NNT: variants seen among roughly 807,000 people sequenced by gnomAD.
NNT encodes NAD(P) transhydrogenase, mitochondrial.
Under a neutral mutation model 104.8 loss-of-function variants are expected in NNT, and 50 were observed. The ratio of observed to expected loss-of-function variants is 0.48; its 90% confidence interval spans 0.38 to 0.60. The LOEUF is 0.60. Ranked by LOEUF, NNT falls within the 20% of genes least tolerant of loss-of-function variation. NNT has a pLI of 0.00. For missense variants in NNT, 1,131 were observed against 1,330.7 expected, an observed-to-expected ratio of 0.85 and a Z score of 2.33; for synonymous variants, 461 against 490.4, an observed-to-expected ratio of 0.94 and a Z score of 0.79.
chr5:43,667,888 G>A (rs1455217691), intron 17 of NNT, among the ~76,000 whole-genome samples: 2 of 152,206 alleles, frequency 1.3e-5, no homozygotes, highest in African/African-American at 4.8e-5. Flanking sequence ...CCCACCAACA[G>A]TGCAAAAGTG....
At position 43,704,960 on chromosome 5, in the gene NNT, ATAT is replaced by A. The variant is rs1285441269; in HGVS notation, c.*558_*560del. 4 of 152,380 alleles carry A rather than the reference ATAT, an allele frequency of 2.6e-5. No individual in the cohort carries two copies. The highest frequency in any genetic ancestry group is 9.6e-5 in the African/African-American group (4 of 41,452). The allele number at this position is 152,380 out of a possible 1,614,324, so 9.4% of individuals were successfully genotyped here. A position where few individuals can be genotyped will look rare whatever the true frequency, so the allele number is the denominator to read the frequency against. On this transcript the variant is annotated 3_prime_UTR_variant, in exon 22 of 22. Coordinates refer to ENST00000344920, the MANE Select transcript of NNT (RefSeq NM_182977.3). The stretch of plus-strand genomic sequence containing the variant: ...TTTTTTAAATTGTACTTCAGAGTCT[ATAT>A]TTCAAGGGCACATTTTCTCACTACT...
At chr5:43,695,566 A>C (rs946169977) in intron 19 of NNT, among the ~76,000 whole-genome samples, 12 of 152,216 alleles carry the variant, frequency 7.9e-5, no homozygotes, top group Middle Eastern at 3.2e-3. Flanking sequence ...TAGGATACAG[A>C]TGACTAGGAC....
intron 17 of NNT, chr5:43,667,349 G>A (rs948276700): frequency 3.2e-5 from 17 of 528,718 alleles, no homozygotes; most frequent in South Asian, 6.5e-5. Context: ...GTATACATGC[G>A]CCATGTTGGT....
intron 17 of NNT, among the ~76,000 whole-genome samples, chr5:43,666,490 C>G (rs1355755421): frequency 6.6e-6 from 1 of 151,870 alleles, no homozygotes; most frequent in African/African-American, 2.4e-5. Context: ...CACTCAGCAG[C>G]CTGAGGCAGG....
chr5:43,700,043 T>G, intron 19 of NNT, 76 bp from the exon 20 acceptor site: 1 of 1,087,236 alleles, frequency 9.2e-7, no homozygotes, highest in Non-Finnish European at 1.4e-6. Flanking sequence ...AGTGTGCAGA[T>G]TTGGAGGTGA....
chr5:43,692,354 T>C (rs1742331240), intron 19 of NNT, among the ~76,000 whole-genome samples: 1 of 152,164 alleles, frequency 6.6e-6, no homozygotes, highest in South Asian at 2.1e-4. Context: ...GATGGAGTTT[T>C]GCTTTCTCGC....
At chr5:43,666,153 C>T (rs1025713421) in intron 17 of NNT, among the ~76,000 whole-genome samples, 7 of 152,052 alleles carry the variant, frequency 4.6e-5, no homozygotes, top group Non-Finnish European at 7.4e-5. Context: ...AGACGATGGG[C>T]GGCCAGGCAG....
At chr5:43,644,484 G>T in intron 8 of NNT, 127 bp from the exon 9 acceptor site, 1 of 1,126,262 alleles carries the variant, frequency 8.9e-7, no homozygotes, top group Non-Finnish European at 1.3e-6. Context: ...TTTGTTTATG[G>T]GTATGTATGT....
chr5:43,653,099 G>A lies in NNT; in HGVS notation c.1945G>A (p.Ala649Thr), dbSNP rs752653188. 6.8e-6 allele frequency: 11 copies of A among 1,613,990 alleles called. No individual in the cohort carries two copies. In the Admixed American group the frequency reaches 8.3e-5, roughly 12 times the overall value. Residue 649 changes from alanine to threonine, a missense_variant, in exon 14 of 22, where the codon GCA becomes ACA. By Grantham distance (58) the Ala-to-Thr change is moderately conservative. Transcript: ENST00000344920. Reference sequence around the variant, plus strand: ...CCAGGGAACAGCACGTCTTGGCAATGCACTGGGCATGATTGGGGTTGCTGG... The same window carrying A: ...CCAGGGAACAGCACGTCTTGGCAATACACTGGGCATGATTGGGGTTGCTGG... ...STQGTARLGN[A>T]LGMIGVAGGL...
intron 19 of NNT, among the ~76,000 whole-genome samples, chr5:43,698,175 T>A (rs2112236159): frequency 6.6e-6 from 1 of 151,904 alleles, no homozygotes; most frequent in East Asian, 1.9e-4. Flanking sequence ...ATATATAATC[T>A]TGTATTAAGA....
chr5:43,669,791 C>T (rs1223083464), intron 17 of NNT, among the ~76,000 whole-genome samples: 1 of 152,174 alleles, frequency 6.6e-6, no homozygotes, highest in Non-Finnish European at 1.5e-5. Flanking sequence ...TGATGCTGGC[C>T]TCATAAAATG....
At chr5:43,671,061 A>C (rs972473008) in intron 17 of NNT, among the ~76,000 whole-genome samples, 3 of 151,962 alleles carry the variant, frequency 2.0e-5, no homozygotes, top group African/African-American at 4.8e-5. Context: ...CTCTTTTGAT[A>C]TTTGTTGGTT....
intron 17 of NNT, among the ~76,000 whole-genome samples, chr5:43,672,846 TG>T (rs776000099): frequency 4.6e-5 from 7 of 152,264 alleles, no homozygotes; most frequent in Non-Finnish European, 1.0e-4. Context: ...CAGAGGTTTC[TG>T]CTGCCTTTTG....
intron 5 of NNT, among the ~76,000 whole-genome samples, chr5:43,619,962 G>A (rs1280963137): frequency 6.6e-6 from 1 of 152,054 alleles, no homozygotes; most frequent in Non-Finnish European, 1.5e-5. Flanking sequence ...GAGGGAGCCA[G>A]GCTCTTCTAT....
intron 20 of NNT, among the ~76,000 whole-genome samples, chr5:43,700,796 A>T (rs1366387119): frequency 3.9e-5 from 6 of 152,254 alleles, no homozygotes; most frequent in Admixed American, 2.0e-4. Flanking sequence ...GCCCAAGCCT[A>T]TGCTTGTTAA....
At chr5:43,674,884 G>A (rs1741330851) in intron 17 of NNT, among the ~76,000 whole-genome samples, 1 of 152,136 alleles carries the variant, frequency 6.6e-6, no homozygotes, top group Non-Finnish European at 1.5e-5. Flanking sequence ...AAATTTTAAA[G>A]AGTATATAAC....
chr5:43,620,014 G>A (rs1749990327), intron 5 of NNT, among the ~76,000 whole-genome samples: 1 of 151,930 alleles, frequency 6.6e-6, no homozygotes, highest in Non-Finnish European at 1.5e-5. Flanking sequence ...TCCCAGGGAG[G>A]GCATTAATCT....
At chr5:43,686,504 A>G (rs1286301660) in intron 19 of NNT, among the ~76,000 whole-genome samples, 1 of 152,086 alleles carries the variant, frequency 6.6e-6, no homozygotes, top group African/African-American at 2.4e-5. Flanking sequence ...GTAGCTGCAA[A>G]TACAAATAAT....
chr5:43,702,174 ATTTT>A (rs1377271490), intron 20 of NNT, among the ~76,000 whole-genome samples: 1 of 152,084 alleles, frequency 6.6e-6, no homozygotes, highest in Non-Finnish European at 1.5e-5. Context: ...TTAGTCATAA[ATTTT>A]TCACAAGGCT....
Sources: gnomAD v4.1 joint callset for allele counts (sites outside exome capture counted in the v4.1 genomes callset) on GRCh38, gnomAD v4.1.1 for gene constraint, MANE v1.5 for transcripts, NCBI Gene and HGNC (gene_info 2026-07-23, HGNC 2026-07-21) for gene names.